AGTPBP1: variants seen among roughly 807,000 people sequenced by gnomAD.
AGTPBP1 encodes ATP/GTP binding carboxypeptidase 1, also known as cytosolic carboxypeptidase 1.
Under a neutral mutation model 143.9 loss-of-function variants are expected in AGTPBP1, and 70 were observed. The ratio of observed to expected loss-of-function variants is 0.49; its 90% confidence interval spans 0.40 to 0.59. The LOEUF (loss-of-function observed/expected upper bound fraction) is 0.59, where lower values mean the gene tolerates loss of function less well. Ranked by LOEUF, AGTPBP1 falls within the 20% of genes least tolerant of loss-of-function variation. The pLI is 0.00. For missense variants in AGTPBP1, 1,229 were observed against 1,464.5 expected (o/e 0.84, Z 2.62); for synonymous variants, 463 against 500.2 (o/e 0.93, Z 0.99).
Position 85,632,642 on chromosome 9 carries a change from G to A in AGTPBP1, c.2015+20C>T, listed in dbSNP as rs946670899. ...TTGACAATAGCCTTATTTAGAAGAG[G>A]GAAGAAATATGCAACTCACCTTTGT... On this transcript the variant is annotated intron_variant, in intron 14 of 25. Transcript: ENST00000357081. The A allele has an allele frequency of 1.3e-6, 2 of 1,546,110 alleles. No individual in the cohort carries two copies. The highest frequency in any genetic ancestry group is 1.7e-6 in the Non-Finnish European group (2 of 1,145,586).
At chr9:85,776,413 G>T in the AGTPBP1 span, among the ~76,000 whole-genome samples, 2 of 152,136 alleles carry the variant, frequency 1.3e-5, no homozygotes, top group African/African-American at 4.8e-5. Context: ...CACGTTGTGG[G>T]TTTTTCTCCT....
intron 2 of AGTPBP1, among the ~76,000 whole-genome samples, chr9:85,712,299 G>A (rs1026548153): frequency 1.3e-5 from 2 of 151,948 alleles, no homozygotes; most frequent in Non-Finnish European, 2.9e-5. Flanking sequence ...GAGCTCACAG[G>A]CCACACAAAA....
chr9:85,747,551 G>A, the AGTPBP1 span, among the ~76,000 whole-genome samples: 1 of 152,114 alleles, frequency 6.6e-6, no homozygotes, highest in Non-Finnish European at 1.5e-5. Flanking sequence ...ATTTCTTTCA[G>A]CAATGTCATA....
chr9:85,608,366 T>C (rs937583287), intron 17 of AGTPBP1, among the ~76,000 whole-genome samples: 5 of 152,020 alleles, frequency 3.3e-5, no homozygotes, highest in African/African-American at 1.2e-4. Flanking sequence ...ACTATTGATA[T>C]AGTCTTCAAA....
At chr9:85,684,374 T>C (rs1564142407) in intron 3 of AGTPBP1, among the ~76,000 whole-genome samples, 1 of 152,258 alleles carries the variant, frequency 6.6e-6, no homozygotes, top group Middle Eastern at 3.4e-3. Context: ...TAGGAAGAAA[T>C]GTCCTTTCAC....
chr9:85,710,181 C>G (rs2134458644), intron 2 of AGTPBP1, among the ~76,000 whole-genome samples: 1 of 151,994 alleles, frequency 6.6e-6, no homozygotes, highest in South Asian at 2.1e-4. Context: ...TTTTTTAGAA[C>G]ATATTCTACA....
At chr9:85,702,651 C>T (rs1272738398) in intron 2 of AGTPBP1, among the ~76,000 whole-genome samples, 1 of 150,214 alleles carries the variant, frequency 6.7e-6, no homozygotes, top group Non-Finnish European at 1.5e-5. Context: ...GACTCTCTGT[C>T]TCTCTCTCTT....
intron 1 of AGTPBP1, among the ~76,000 whole-genome samples, chr9:85,732,348 G>C (rs1358120321): frequency 6.6e-6 from 1 of 151,312 alleles, no homozygotes; most frequent in Non-Finnish European, 1.5e-5. Context: ...CCAAGTAGCT[G>C]GGACTACAGG....
intron 1 of AGTPBP1, among the ~76,000 whole-genome samples, chr9:85,725,673 G>A (rs148018947): frequency 0.028 from 4,233 of 152,232 alleles, 200 homozygotes; most frequent in African/African-American, 0.096. Context: ...ACTTTGGGAG[G>A]CCAAGGTGGG....
intron 9 of AGTPBP1, among the ~76,000 whole-genome samples, chr9:85,659,145 G>A (rs1050486864): frequency 6.6e-6 from 1 of 152,120 alleles, no homozygotes; most frequent in Non-Finnish European, 1.5e-5. Context: ...CACAGGTGCT[G>A]AGTGCCCCTT....
At chr9:85,554,876 T>G (rs1826239762) in intron 25 of AGTPBP1, among the ~76,000 whole-genome samples, 1 of 152,118 alleles carries the variant, frequency 6.6e-6, no homozygotes, top group East Asian at 1.9e-4. Context: ...TTAATCTATT[T>G]AAAGAGAATC....
the AGTPBP1 span, among the ~76,000 whole-genome samples, chr9:85,757,003 T>TG: frequency 0.018 from 2,608 of 147,932 alleles, 24 homozygotes; most frequent in Non-Finnish European, 0.024. Context: ...TTTCTTTTTT[T>TG]TGGGGGGGTG....
the AGTPBP1 span, among the ~76,000 whole-genome samples, chr9:85,752,431 A>G: frequency 4.5e-4 from 69 of 152,324 alleles, no homozygotes; most frequent in African/African-American, 1.6e-3. Flanking sequence ...GGGTGGAGTA[A>G]CTATGAAAGT....
intron 2 of AGTPBP1, among the ~76,000 whole-genome samples, chr9:85,698,064 T>C (rs1337288016): frequency 1.3e-5 from 2 of 152,166 alleles, no homozygotes; most frequent in Non-Finnish European, 1.5e-5. Flanking sequence ...CATTTTGTTT[T>C]TCGTTATTTT....
At chr9:85,669,961 A>G (rs909122142) in intron 7 of AGTPBP1, among the ~76,000 whole-genome samples, 1 of 152,206 alleles carries the variant, frequency 6.6e-6, no homozygotes, top group Non-Finnish European at 1.5e-5. Flanking sequence ...CAGAAACAAT[A>G]AACAAATAAT....
chr9:85,651,560 T>C (rs929902470), intron 11 of AGTPBP1, among the ~76,000 whole-genome samples: 5 of 152,192 alleles, frequency 3.3e-5, no homozygotes, highest in Non-Finnish European at 7.3e-5. Context: ...TTAATACAAA[T>C]ACTCTTAGGT....
chr9:85,725,587 T>A (rs183651952), intron 1 of AGTPBP1, among the ~76,000 whole-genome samples: 1 of 152,066 alleles, frequency 6.6e-6, no homozygotes, highest in African/African-American at 2.4e-5. Flanking sequence ...GCTCTACAAG[T>A]GTAATGGAAA....
chr9:85,608,395 GAT>G (rs1830111364), intron 17 of AGTPBP1, among the ~76,000 whole-genome samples: 1 of 151,942 alleles, frequency 6.6e-6, no homozygotes, highest in Non-Finnish European at 1.5e-5. Flanking sequence ...CTCAGAATAA[GAT>G]AGAACAATTG....
chr9:85,693,697 A>C (rs990913242), intron 2 of AGTPBP1, among the ~76,000 whole-genome samples: 15 of 152,190 alleles, frequency 9.9e-5, no homozygotes, highest in Non-Finnish European at 1.6e-4. Flanking sequence ...TAGAGTGTAC[A>C]TTCTTATGGT....
Sources: allele counts gnomAD v4.1 joint callset (sites outside exome capture counted in the v4.1 genomes callset), GRCh38; gene constraint gnomAD v4.1.1; transcripts MANE v1.5; gene names NCBI Gene and HGNC (gene_info 2026-07-23, HGNC 2026-07-21).